The following TARS3 variants were observed in gnomAD, a reference collection of about 807,000 sequenced individuals.
TARS3 encodes the protein threonine--tRNA ligase 2, cytoplasmic.
TARS3 carries 94 observed loss-of-function variants against 103.5 expected under a neutral mutation model. The observed-to-expected ratio is 0.91, with a 90% CI of 0.77 to 1.08. The LOEUF (loss-of-function observed/expected upper bound fraction) is 1.08. TARS3 is among the 50% of genes least tolerant of loss of function. TARS3 has a pLI of 0.00. For missense variants in TARS3, 952 were observed against 995.2 expected, an observed-to-expected ratio of 0.96 and a Z score of 0.58; for synonymous variants, 416 against 355.4, an observed-to-expected ratio of 1.17 and a Z score of -1.92.
At chr15:101,718,770 T>G (rs1900296761) in intron 3 of TARS3, among the ~76,000 whole-genome samples, 1 of 152,200 alleles carries the variant, frequency 6.6e-6, no homozygotes, top group South Asian at 2.1e-4. Flanking sequence ...ATCTAGAAGA[T>G]TCTTTAAGTG....
chr15:101,687,690 C>A (rs1226191335), intron 10 of TARS3, among the ~76,000 whole-genome samples: 1 of 152,164 alleles, frequency 6.6e-6, no homozygotes, highest in African/African-American at 2.4e-5. Context: ...ACTATCCCTG[C>A]AATGGACTGA....
At position 101,686,166 on chromosome 15, in the gene TARS3, TATTA is replaced by T. The variant is rs1898467172; in HGVS notation, c.1321-108_1321-105del. 6.8e-6 allele frequency: 7 copies of T among 1,036,702 alleles called. No homozygotes were observed. The South Asian group carries it at 7.2e-5, about 11-fold the overall frequency. The allele number at this position is 1,036,702 out of a possible 1,614,324, so 64.2% of individuals were successfully genotyped here. A position where few individuals can be genotyped will look rare whatever the true frequency, so the allele number is the denominator to read the frequency against. On this transcript the variant is annotated intron_variant, in intron 10 of 18. Coordinates refer to ENST00000335968, the MANE Select transcript of TARS3 (RefSeq NM_152334.3). The stretch of plus-strand genomic sequence containing the variant: ...ATTTTCAAATTGGGCTCATGTCCTA[TATTA>T]ATTCATGATTAATGTACCCTCAGTT...
chr15:101,721,956 T>C (rs1900487454), intron 2 of TARS3, among the ~76,000 whole-genome samples: 1 of 152,244 alleles, frequency 6.6e-6, no homozygotes, highest in Non-Finnish European at 1.5e-5. Flanking sequence ...TTAGAGGATT[T>C]TGCCCAACTG....
chr15:101,721,059 A>G (rs1319772850), intron 3 of TARS3, 67 bp downstream of exon 3: 23 of 1,404,882 alleles, frequency 1.6e-5, no homozygotes, highest in African/African-American at 2.9e-5. Context: ...GGTCCCTAAG[A>G]AAACATTTTC....
At chr15:101,715,348 G>C (rs974480965) in intron 3 of TARS3, among the ~76,000 whole-genome samples, 1 of 151,574 alleles carries the variant, frequency 6.6e-6, no homozygotes, top group Non-Finnish European at 1.5e-5. Flanking sequence ...GGGTTTCACC[G>C]TTTTAGCCGG....
chr15:101,673,684 T>A (rs984835883), intron 13 of TARS3, among the ~76,000 whole-genome samples: 10 of 152,112 alleles, frequency 6.6e-5, no homozygotes, highest in African/African-American at 2.4e-4. Context: ...GTAAACTGAG[T>A]CTGCATCCTT....
chr15:101,707,701 G>A (rs569844456), intron 6 of TARS3, among the ~76,000 whole-genome samples: 2 of 152,086 alleles, frequency 1.3e-5, no homozygotes, highest in African/African-American at 2.4e-5. Flanking sequence ...GGGGCAGGGC[G>A]GGAATGGGGA....
Position 101,724,214 on chromosome 15 carries a change from C to T in TARS3, c.174G>A (p.Arg58=). The T allele has an allele frequency of 6.5e-7, 1 of 1,534,994 alleles. No individual in the cohort carries two copies. The highest frequency in any genetic ancestry group is 8.7e-7 in the Non-Finnish European group (1 of 1,147,618). ...PCLTREVAQL[R]AENCDLRHRL... ...GGTGGCGCAGGTCGCAGTTCTCGGC[C>T]CGGAGCTGCGCCACCTCCCGCGTGA... The change falls in exon 1 of 19, where the codon CGG becomes CGA. Residue 58 remains arginine (R), a synonymous_variant. Transcript: ENST00000335968.
intron 5 of TARS3, among the ~76,000 whole-genome samples, chr15:101,711,387 C>A (rs188595983): frequency 6.6e-6 from 1 of 152,264 alleles, no homozygotes; most frequent in Admixed American, 6.5e-5. Flanking sequence ...ATACAGTTGA[C>A]CCTTGAACAA....
intron 5 of TARS3, among the ~76,000 whole-genome samples, chr15:101,709,260 TC>T (rs907055962): frequency 4.6e-5 from 7 of 152,254 alleles, no homozygotes; most frequent in African/African-American, 1.4e-4. Flanking sequence ...GCAGTGCTCA[TC>T]ACGTCCCTGC....
At chr15:101,716,621 C>T (rs566358133) in intron 3 of TARS3, among the ~76,000 whole-genome samples, 5 of 151,964 alleles carry the variant, frequency 3.3e-5, no homozygotes, top group South Asian at 2.1e-4. Context: ...CTTTGGGGGA[C>T]GAGTAGCAAC....
At chr15:101,678,851 G>A (rs1898138950) in intron 12 of TARS3, among the ~76,000 whole-genome samples, 1 of 151,984 alleles carries the variant, frequency 6.6e-6, no homozygotes, top group Non-Finnish European at 1.5e-5. Context: ...CTTTTGGTGG[G>A]TCCAATGTCT....
chr15:101,654,697 A>G lies in TARS3; in HGVS notation c.2294T>C (p.Val765Ala). 6.2e-7 allele frequency: 1 copy of G among 1,614,080 alleles called. No homozygotes were observed. The highest frequency in any genetic ancestry group is 8.5e-7 in the Non-Finnish European group (1 of 1,179,988). ...TTTGTTGTCTCTTGTTCGCACGTTTACAGCATTATCTATCTTTTCCTTTTC... is the reference window on the plus strand; with the variant it reads ...TTTGTTGTCTCTTGTTCGCACGTTTGCAGCATTATCTATCTTTTCCTTTTC... ...VGEKEKIDNAVNVRTRDNKIH... is the reference protein window; with the variant it reads ...VGEKEKIDNAANVRTRDNKIH... Residue 765 changes from valine (V) to alanine (A), a missense_variant, in exon 19 of 19, where the codon GTA becomes GCA. Physicochemically the swap from Val to Ala is moderately conservative, Grantham distance 64. Transcript: ENST00000335968.
Position 101,703,544 on chromosome 15 carries a change from C to T in TARS3, c.1074+315G>A, listed in dbSNP as rs1305500505. 4.6e-5 allele frequency among the ~76,000 whole-genome samples: 7 copies of T among 151,966 alleles called. No individual in the cohort carries two copies. In the South Asian group the frequency reaches 1.5e-3, roughly 32 times the overall value. On this transcript the variant is annotated intron_variant, in intron 8 of 18. Transcript: ENST00000335968. Reference sequence around the variant, plus strand: ...GGCGGAGATTGCAGTGAGCCAAGATCACACCACTGCACTCCAGCCTGGACA... The same window carrying T: ...GGCGGAGATTGCAGTGAGCCAAGATTACACCACTGCACTCCAGCCTGGACA...
chr15:101,704,204 G>T (rs2141433236), intron 7 of TARS3, among the ~76,000 whole-genome samples: 1 of 152,192 alleles, frequency 6.6e-6, no homozygotes, highest in Non-Finnish European at 1.5e-5. Context: ...ATACAAAAAG[G>T]GACTGGCTTA....
chr15:101,714,505 T>C (rs1900030701), intron 4 of TARS3, among the ~76,000 whole-genome samples: 1 of 145,032 alleles, frequency 6.9e-6, no homozygotes, highest in Non-Finnish European at 1.5e-5. Flanking sequence ...GCTGGGAGGC[T>C]GAGGTGGGAG....
chr15:101,666,168 GTC>G (rs1477805115), intron 15 of TARS3, among the ~76,000 whole-genome samples: 2 of 152,162 alleles, frequency 1.3e-5, no homozygotes, highest in African/African-American at 2.4e-5. Flanking sequence ...AAAAATGGAT[GTC>G]TCTGTTTTTA....
At position 101,724,233 on chromosome 15, in the gene TARS3, C is replaced by G; in HGVS notation, c.155G>C (p.Arg52Pro). 1.9e-6 allele frequency: 3 copies of G among 1,550,016 alleles called. No homozygotes were observed. The highest frequency in any genetic ancestry group is 2.6e-6 in the Non-Finnish European group (3 of 1,155,292). The change falls in exon 1 of 19, where the codon CGG (arginine) becomes CCG (proline). Residue 52 changes from arginine (R) to proline (P), a missense_variant. This residue lies in a region of TARS3 where 412 missense variants were observed against 364.2 expected (regional missense o/e 1.13). Transcript: ENST00000335968. ...SCQAEGPCLT[R>P]EVAQLRAENC... ...CTCGGCCCGGAGCTGCGCCACCTCC[C>G]GCGTGAGGCACGGCCCCTCCGCCTG...
At chr15:101,654,830 T>C (rs996314258) in intron 18 of TARS3, 100 bp from the exon 19 acceptor site, 5 of 1,131,246 alleles carry the variant, frequency 4.4e-6, no homozygotes, top group South Asian at 4.2e-5. Flanking sequence ...TTTTCTTCAC[T>C]AATATTAAAT....
Sources: gnomAD v4.1 joint callset for allele counts (sites outside exome capture counted in the v4.1 genomes callset) on GRCh38, gnomAD v4.1.1 for gene constraint, gnomAD v4.1.1 regional missense constraint, MANE v1.5 for transcripts, NCBI Gene and HGNC (gene_info 2026-07-23, HGNC 2026-07-21) for gene names.